Variants in RBFOX1 observed in about 807,000 individuals in gnomAD.
RBFOX1 encodes RNA binding fox-1 homolog 1, also known as RNA binding protein fox-1 homolog 1.
A neutral mutation model predicts 57.7 loss-of-function variants in RBFOX1; 8 were observed. The ratio of observed to expected loss-of-function variants is 0.14; its 90% CI spans 0.08 to 0.25. RBFOX1 has a LOEUF of 0.25. Among genes scored for constraint, RBFOX1 ranks in the 10% least tolerant of loss-of-function variants. The pLI is 1.00. For missense variants in RBFOX1, 611 were observed against 548.5 expected (o/e 1.11, Z -1.14); for synonymous variants, 326 against 222.4 (o/e 1.47, Z -4.15).
intron 4 of RBFOX1, among the ~76,000 whole-genome samples, chr16:7,204,604 C>T (rs1277522081): frequency 6.6e-6 from 1 of 152,134 alleles, no homozygotes; most frequent in Non-Finnish European, 1.5e-5. Context: ...TATGATCGTG[C>T]CATTGGACTT....
chr16:7,705,488 G>A (rs561341815), intron 14 of RBFOX1, among the ~76,000 whole-genome samples: 4 of 152,152 alleles, frequency 2.6e-5, no homozygotes, highest in African/African-American at 7.2e-5. Context: ...CTTAGCAACA[G>A]AGCAAGACCA....
intron 4 of RBFOX1, among the ~76,000 whole-genome samples, chr16:7,463,047 C>T (rs2059868144): frequency 6.6e-6 from 1 of 152,186 alleles, no homozygotes; most frequent in Non-Finnish European, 1.5e-5. Context: ...GGCTTATCAA[C>T]AACAGAAATT....
chr16:6,900,994 A>G (rs1596598994), intron 3 of RBFOX1, among the ~76,000 whole-genome samples: 2 of 152,194 alleles, frequency 1.3e-5, no homozygotes, highest in Admixed American at 6.5e-5. Flanking sequence ...CATTAGAACT[A>G]GAAAGACTTC....
chr16:5,593,978 C>T (rs2047097994), intron 2 of RBFOX1, among the ~76,000 whole-genome samples: 1 of 152,096 alleles, frequency 6.6e-6, no homozygotes, highest in Non-Finnish European at 1.5e-5. Flanking sequence ...CCGTGATACA[C>T]CACCCCCATC....
chr16:7,014,290 A>G (rs991734596), intron 3 of RBFOX1, among the ~76,000 whole-genome samples: 10 of 152,100 alleles, frequency 6.6e-5, no homozygotes, highest in Admixed American at 5.9e-4. Context: ...TTGGCTCACT[A>G]CAATGTTAGC....
intron 1 of RBFOX1, among the ~76,000 whole-genome samples, chr16:6,246,737 C>G (rs749636817): frequency 2.6e-5 from 4 of 152,202 alleles, no homozygotes; most frequent in Non-Finnish European, 5.9e-5. Flanking sequence ...TTTGTCCAGG[C>G]TGGTGCTGCC....
intron 4 of RBFOX1, among the ~76,000 whole-genome samples, chr16:7,385,682 T>C (rs1256149437): frequency 1.3e-5 from 2 of 152,180 alleles, no homozygotes; most frequent in South Asian, 2.1e-4. Context: ...GGGATGCAAC[T>C]GGCAGATGAC....
intron 2 of RBFOX1, among the ~76,000 whole-genome samples, chr16:6,572,103 G>C (rs1378186843): frequency 6.6e-6 from 1 of 152,086 alleles, no homozygotes; most frequent in Non-Finnish European, 1.5e-5. Context: ...AAGCGTTCCA[G>C]GGTCTCTTTA....
intron 3 of RBFOX1, among the ~76,000 whole-genome samples, chr16:6,765,568 C>T (rs1355951610): frequency 1.3e-5 from 2 of 152,090 alleles, no homozygotes; most frequent in African/African-American, 4.8e-5. Flanking sequence ...ATGAGTACAA[C>T]CTCTATGGAA....
chr16:5,307,940 A>G (rs1596472575), intron 1 of RBFOX1, among the ~76,000 whole-genome samples: 1 of 152,210 alleles, frequency 6.6e-6, no homozygotes, highest in African/African-American at 2.4e-5. Context: ...GGCCTCCCAG[A>G]GTGCTGAAAT....
chr16:6,727,086 A>ACAC (rs1568371108), intron 3 of RBFOX1, among the ~76,000 whole-genome samples: 170 of 17,484 alleles, frequency 9.7e-3, no homozygotes, highest in African/African-American at 0.014. Context: ...GAGACACACA[A>ACAC]AACACACACA....
intron 3 of RBFOX1, among the ~76,000 whole-genome samples, chr16:5,844,504 C>T (rs991232691): frequency 1.3e-5 from 2 of 152,158 alleles, no homozygotes; most frequent in African/African-American, 4.8e-5. Context: ...ATTCACGAAG[C>T]TCCTGCGTTC....
chr16:6,456,468 A>T (rs957610598), intron 2 of RBFOX1, among the ~76,000 whole-genome samples: 1 of 152,148 alleles, frequency 6.6e-6, no homozygotes, highest in African/African-American at 2.4e-5. Context: ...ATCATTGATG[A>T]TTGGGAAGAG....
chr16:6,066,060 C>T (rs1037616805), intron 1 of RBFOX1, among the ~76,000 whole-genome samples: 19 of 152,016 alleles, frequency 1.2e-4, no homozygotes, highest in African/African-American at 4.4e-4. Flanking sequence ...CTTTGGGAGG[C>T]CGAGGAGGGT....
chr16:7,254,768 C>G (rs1164575046), intron 4 of RBFOX1, among the ~76,000 whole-genome samples: 1 of 152,080 alleles, frequency 6.6e-6, no homozygotes, highest in Non-Finnish European at 1.5e-5. Flanking sequence ...AGCATTATTG[C>G]TCATACCTAG....
intron 1 of RBFOX1, among the ~76,000 whole-genome samples, chr16:6,230,368 C>T (rs72776420): frequency 0.022 from 3,389 of 152,204 alleles, 68 homozygotes; most frequent in Middle Eastern, 0.037. Context: ...CTCCGTTTCA[C>T]ACATGAGAGA....
intron 4 of RBFOX1, among the ~76,000 whole-genome samples, chr16:7,498,496 G>A (rs192768965): frequency 3.2e-4 from 48 of 152,090 alleles, no homozygotes; most frequent in African/African-American, 9.6e-4. Context: ...AACAAAATGC[G>A]TGATTTTAAT....
In RBFOX1 at chr16:6,744,170, TAATC is replaced by T. The variant is rs200448139; in HGVS notation, c.-16+89523_-16+89526del. Among the ~76,000 whole-genome samples, 80 of 152,260 alleles carry T rather than the reference TAATC, an allele frequency of 5.3e-4. No individual in the cohort carries two copies. The East Asian group carries it at 0.014, about 28-fold the overall frequency. ...TAATTTCACAATGGAAAAGGTGACT[TAATC>T]AAGAAGACATTAAATATTTATGCAC... On this transcript the variant is annotated intron_variant, in intron 3 of 15. Transcript: ENST00000550418.
At chr16:7,574,443 G>A (rs972883052) in intron 5 of RBFOX1, among the ~76,000 whole-genome samples, 1 of 152,148 alleles carries the variant, frequency 6.6e-6, no homozygotes, top group Non-Finnish European at 1.5e-5. Context: ...GTCAGGCTGG[G>A]TCCCAAAACC....
Sources: gnomAD v4.1 joint callset for allele counts (sites outside exome capture counted in the v4.1 genomes callset) on GRCh38, gnomAD v4.1.1 for gene constraint, MANE v1.5 for transcripts, NCBI Gene and HGNC (gene_info 2026-07-23, HGNC 2026-07-21) for gene names.